The following CUX2 variants were observed in gnomAD, a reference collection of about 807,000 sequenced individuals.
The protein encoded by CUX2 is homeobox protein cut-like 2.
A neutral mutation model predicts 144.8 loss-of-function variants in CUX2; 40 were observed. The observed-to-expected ratio is 0.28, with a 90% CI of 0.21 to 0.36. The LOEUF is 0.36. Ranked by LOEUF, CUX2 falls within the 10% of genes least tolerant of loss-of-function variation. CUX2 has a pLI of 1.00. For synonymous variants in CUX2, 827 were observed against 875.6 expected, an observed-to-expected ratio of 0.94 and a Z score of 0.98; for missense variants, 1,615 against 1,994.0, an observed-to-expected ratio of 0.81 and a Z score of 3.62.
intron 1 of CUX2, among the ~76,000 whole-genome samples, chr12:111,098,488 G>A (rs1872976997): frequency 1.3e-5 from 2 of 152,222 alleles, no homozygotes; most frequent in Admixed American, 1.3e-4. Context: ...CCGGGTACAG[G>A]CCAACGAGGG....
intron 1 of CUX2, among the ~76,000 whole-genome samples, chr12:111,133,412 G>T (rs1055836523): frequency 3.9e-5 from 6 of 152,162 alleles, no homozygotes; most frequent in Non-Finnish European, 8.8e-5. Flanking sequence ...TTCATGGCAG[G>T]AGGCAAAAGG....
chr12:111,267,071 G>A (rs1032866502), intron 4 of CUX2, among the ~76,000 whole-genome samples: 2 of 151,988 alleles, frequency 1.3e-5, no homozygotes, highest in Non-Finnish European at 2.9e-5. Flanking sequence ...GGTCGTGGGC[G>A]CCTGTGGTCC....
chr12:111,076,083 CA>C (rs770873221), intron 1 of CUX2, among the ~76,000 whole-genome samples: 4 of 152,188 alleles, frequency 2.6e-5, no homozygotes, highest in Non-Finnish European at 5.9e-5. Flanking sequence ...AATTTGAACT[CA>C]GGACTTTGGC....
chr12:111,348,534 A>C lies in CUX2; in HGVS notation c.*209A>C. 1 of 577,784 alleles carries C rather than the reference A, an allele frequency of 1.7e-6. No homozygotes were observed. 35.8% of individuals were successfully genotyped at this position (577,784 alleles called of 1,614,324 possible). On this transcript the variant is annotated 3_prime_UTR_variant, in exon 22 of 22. Transcript: ENST00000261726. ...AATGCCATTGCCTCCACTTTTCTGC[A>C]CCCCCCTGCTCCTCTTCACCCTGAC...
intron 4 of CUX2, among the ~76,000 whole-genome samples, chr12:111,278,164 C>T (rs1188492594): frequency 6.6e-6 from 1 of 152,198 alleles, no homozygotes; most frequent in African/African-American, 2.4e-5. Context: ...CACCTGTAAT[C>T]CCAGAACTTT....
At chr12:111,325,243 G>A (rs949568423) in intron 18 of CUX2, among the ~76,000 whole-genome samples, 7 of 151,740 alleles carry the variant, frequency 4.6e-5, no homozygotes, top group African/African-American at 1.5e-4. Flanking sequence ...GCAATGAGCC[G>A]AGATCCTGTC....
intron 18 of CUX2, among the ~76,000 whole-genome samples, chr12:111,325,176 C>A (rs1456154788): frequency 6.6e-6 from 1 of 151,838 alleles, no homozygotes; most frequent in African/African-American, 2.4e-5. Context: ...CGCCTGTAGT[C>A]CCAGCTACTC....
intron 16 of CUX2, among the ~76,000 whole-genome samples, chr12:111,318,473 C>G (rs142340142): frequency 6.6e-6 from 1 of 151,014 alleles, no homozygotes; most frequent in Admixed American, 6.6e-5. Context: ...CCTAGCTACT[C>G]GGGAGGCTGA....
intron 2 of CUX2, among the ~76,000 whole-genome samples, chr12:111,215,968 C>T (rs1034062745): frequency 6.6e-6 from 1 of 152,166 alleles, no homozygotes; most frequent in Admixed American, 6.5e-5. Context: ...ATAGTCGTGC[C>T]TCTGAAAATT....
At chr12:111,276,189 CA>C (rs1214040333) in intron 4 of CUX2, among the ~76,000 whole-genome samples, 4 of 152,058 alleles carry the variant, frequency 2.6e-5, no homozygotes, top group Non-Finnish European at 5.9e-5. Context: ...TCTGTCTCTA[CA>C]AAAAATTTTA....
chr12:111,056,743 GC>G (rs1413691374), intron 1 of CUX2, among the ~76,000 whole-genome samples: 11 of 152,360 alleles, frequency 7.2e-5, no homozygotes, highest in African/African-American at 2.4e-4. Context: ...CTTGCAGGAA[GC>G]CTTGGTGGCG....
At chr12:111,231,186 AT>A (rs531454642) in intron 3 of CUX2, among the ~76,000 whole-genome samples, 75 of 152,208 alleles carry the variant, frequency 4.9e-4, no homozygotes, top group Non-Finnish European at 9.4e-4. Context: ...ACTTCCACCC[AT>A]TGAATACTAA....
intron 19 of CUX2, among the ~76,000 whole-genome samples, chr12:111,336,369 AG>A (rs200998300): frequency 5.9e-5 from 9 of 152,204 alleles, no homozygotes; most frequent in African/African-American, 1.7e-4. Flanking sequence ...GGAAAAAAAA[AG>A]TTACTAAAAA....
intron 1 of CUX2, among the ~76,000 whole-genome samples, chr12:111,054,094 C>A (rs577723231): frequency 1.3e-5 from 2 of 152,202 alleles, no homozygotes; most frequent in African/African-American, 4.8e-5. Context: ...GTGGAGGCTG[C>A]AATGAACCGA....
intron 1 of CUX2, among the ~76,000 whole-genome samples, chr12:111,123,309 A>G (rs1874813031): frequency 6.6e-6 from 1 of 152,030 alleles, no homozygotes; most frequent in South Asian, 2.1e-4. Flanking sequence ...CAGCCTCCCA[A>G]ATAGCTGGGA....
chr12:111,156,996 A>C (rs1166755010), intron 1 of CUX2, among the ~76,000 whole-genome samples: 2 of 150,958 alleles, frequency 1.3e-5, no homozygotes, highest in East Asian at 3.9e-4. Context: ...AAAAAAAAAA[A>C]AAAAAAAAAA....
At position 111,120,823 on chromosome 12, in the gene CUX2, C is replaced by T. The variant is rs189927814; in HGVS notation, c.63+86583C>T. On this transcript the variant is annotated intron_variant, in intron 1 of 21. Coordinates refer to ENST00000261726, the MANE Select transcript of CUX2 (RefSeq NM_015267.4). ...TGCGGGAAACGTGTTTGTGCTTCCT[C>T]GGAGAGGATTATGTTGCCTTGCAAG... 3.3e-5 allele frequency among the ~76,000 whole-genome samples: 5 copies of T among 152,196 alleles called. No homozygotes were observed. The East Asian group carries it at 5.8e-4, about 18-fold the overall frequency.
In CUX2 at chr12:111,160,462, CTG is replaced by C. The variant is rs143147761; in HGVS notation, c.64-53732_64-53731del. Among the ~76,000 whole-genome samples, 775 of 152,252 alleles carry C rather than the reference CTG, an allele frequency of 5.1e-3. 4 individuals carry two copies. Among genetic ancestry groups the C allele is most frequent in the African/African-American group, 0.018 (737 of 41,544 alleles). On this transcript the variant is annotated intron_variant, in intron 1 of 21. Transcript: ENST00000261726. This position sits in a 1 kb window ranked among gnomAD's most constrained non-coding sequence, Gnocchi z 4.1. Reference sequence around the variant, plus strand: ...TGTGTCTGAGCCTTCATCTCTGTGCCTGTGTGTCTGCATGTGCACACGTGCAG... The same window carrying C: ...TGTGTCTGAGCCTTCATCTCTGTGCCTGTGTCTGCATGTGCACACGTGCAG...
chr12:111,081,234 G>A (rs1871869620), intron 1 of CUX2, among the ~76,000 whole-genome samples: 1 of 152,326 alleles, frequency 6.6e-6, no homozygotes, highest in African/African-American at 2.4e-5. Flanking sequence ...ACCCCTCTGG[G>A]AGTCCAGCTT....
Sources: gnomAD v4.1 joint callset for allele counts (sites outside exome capture counted in the v4.1 genomes callset) on GRCh38, gnomAD v4.1.1 for gene constraint, Gnocchi (gnomAD v3.1) non-coding constraint, MANE v1.5 for transcripts, NCBI Gene and HGNC (gene_info 2026-07-23, HGNC 2026-07-21) for gene names.